Variants in GMDS observed in about 807,000 individuals in gnomAD.
GMDS encodes the protein GDP-mannose 4,6 dehydratase.
In GMDS, 20 loss-of-function variants were observed where a neutral mutation model predicts 49.9. The observed-to-expected ratio is 0.40, with a 90% CI of 0.28 to 0.58. The LOEUF is 0.58. GMDS is among the 20% of genes least tolerant of loss of function. The pLI, the probability that GMDS is intolerant of heterozygous loss-of-function variation, is 0.42. For missense variants in GMDS, 362 were observed against 481.4 expected (o/e 0.75, Z 2.32); for synonymous variants, 177 against 178.6 (o/e 0.99, Z 0.07).
At chr6:2,118,740 C>T (rs1774981385) in intron 2 of GMDS, among the ~76,000 whole-genome samples, 1 of 152,130 alleles carries the variant, frequency 6.6e-6, no homozygotes, top group South Asian at 2.1e-4. Flanking sequence ...AGTTGGTAAA[C>T]ACGAAAATAT....
At chr6:1,727,581 A>G (rs1766641867) in intron 8 of GMDS, among the ~76,000 whole-genome samples, 2 of 152,186 alleles carry the variant, frequency 1.3e-5, no homozygotes, top group African/African-American at 4.8e-5. Context: ...TGGGGAAGAC[A>G]AAATTAGTTA....
chr6:1,798,904 T>C (rs539588944), intron 7 of GMDS, among the ~76,000 whole-genome samples: 85 of 152,340 alleles, frequency 5.6e-4, no homozygotes, highest in Non-Finnish European at 2.1e-4. Flanking sequence ...CAAAACATAC[T>C]TCTTCCTTAT....
At chr6:1,935,529 A>G (rs1277593970) in intron 6 of GMDS, among the ~76,000 whole-genome samples, 1 of 152,206 alleles carries the variant, frequency 6.6e-6, no homozygotes, top group Non-Finnish European at 1.5e-5. Context: ...TCTTTTATTA[A>G]TAGATGACTA....
intron 1 of GMDS, among the ~76,000 whole-genome samples, chr6:2,173,624 T>C (rs958852394): frequency 6.6e-6 from 1 of 152,216 alleles, no homozygotes; most frequent in Non-Finnish European, 1.5e-5. Context: ...GGAAGTTCTA[T>C]TCTACATCAA....
chr6:1,820,919 T>C (rs900523386), intron 7 of GMDS, among the ~76,000 whole-genome samples: 1 of 152,238 alleles, frequency 6.6e-6, no homozygotes, highest in Non-Finnish European at 1.5e-5. Flanking sequence ...CGCATGGGCA[T>C]GGGGCTCTAG....
At chr6:1,976,778 G>A (rs1280729169) in intron 4 of GMDS, among the ~76,000 whole-genome samples, 1 of 152,084 alleles carries the variant, frequency 6.6e-6, no homozygotes, top group Admixed American at 6.5e-5. Context: ...TCACCACATA[G>A]TTTCCAAAAT....
rs181141516 is a variant in GMDS, at chr6:1,707,285, A to G, written c.987+19131T>C. ...AGCAAAACCAAGTCATAAGGTTTTG[A>G]GGTCAAAATGTGAGCTGAAAATATT... On this transcript the variant is annotated intron_variant, in intron 9 of 10. Coordinates refer to ENST00000380815, the MANE Select transcript of GMDS (RefSeq NM_001500.4). Among the ~76,000 whole-genome samples, 72 of 152,344 alleles carry G rather than the reference A, an allele frequency of 4.7e-4. No individual in the cohort carries two copies. In the East Asian group the frequency reaches 0.014, roughly 29 times the overall value.
intron 4 of GMDS, among the ~76,000 whole-genome samples, chr6:2,011,117 A>T (rs1767532210): frequency 6.6e-6 from 1 of 152,236 alleles, no homozygotes; most frequent in Admixed American, 6.5e-5. Context: ...CCAAAACATT[A>T]AAAGGGCTTA....
intron 7 of GMDS, among the ~76,000 whole-genome samples, chr6:1,907,652 T>C (rs1399763831): frequency 6.6e-6 from 1 of 152,186 alleles, no homozygotes; most frequent in Non-Finnish European, 1.5e-5. Flanking sequence ...ACACATTTAA[T>C]GTTACGAAGT....
At chr6:2,040,839 C>T (rs1166199490) in intron 4 of GMDS, among the ~76,000 whole-genome samples, 1 of 152,202 alleles carries the variant, frequency 6.6e-6, no homozygotes, top group East Asian at 1.9e-4. Context: ...AGATCAAACC[C>T]TGTTATCCTC....
intron 1 of GMDS, among the ~76,000 whole-genome samples, chr6:2,140,789 T>C (rs1012532450): frequency 6.6e-6 from 1 of 152,200 alleles, no homozygotes; most frequent in Non-Finnish European, 1.5e-5. Flanking sequence ...TTGCAAGAAG[T>C]CAACCATTTG....
chr6:2,067,053 T>C (rs1166193910), intron 4 of GMDS, among the ~76,000 whole-genome samples: 1 of 151,478 alleles, frequency 6.6e-6, no homozygotes, highest in Non-Finnish European at 1.5e-5. Flanking sequence ...ACAGAAATTA[T>C]AACAAACTAT....
At chr6:1,865,236 T>C (rs1032686891) in intron 7 of GMDS, among the ~76,000 whole-genome samples, 18 of 152,224 alleles carry the variant, frequency 1.2e-4, no homozygotes, top group African/African-American at 4.3e-4. Context: ...TTATAGAACC[T>C]TGTATTTCCT....
At chr6:1,850,958 T>C (rs567012670) in intron 7 of GMDS, among the ~76,000 whole-genome samples, 2 of 152,358 alleles carry the variant, frequency 1.3e-5, no homozygotes, top group South Asian at 2.1e-4. Context: ...ACCACCACCA[T>C]GCAAACCGCA....
chr6:2,118,113 C>G (rs1774949099), intron 2 of GMDS, among the ~76,000 whole-genome samples: 1 of 151,830 alleles, frequency 6.6e-6, no homozygotes, highest in African/African-American at 2.4e-5. Flanking sequence ...CACTTATGTA[C>G]TACTCGATTT....
chr6:1,908,305 G>A (rs1440697444), intron 7 of GMDS, among the ~76,000 whole-genome samples: 8 of 152,160 alleles, frequency 5.3e-5, no homozygotes, highest in Non-Finnish European at 7.3e-5. Context: ...TTCAGATCAC[G>A]GTTGACTGCG....
intron 7 of GMDS, among the ~76,000 whole-genome samples, chr6:1,769,836 C>T (rs1332586831): frequency 6.6e-6 from 1 of 152,136 alleles, no homozygotes; most frequent in Non-Finnish European, 1.5e-5. Flanking sequence ...AAGTGATTCT[C>T]GTGCCTCAGC....
chr6:2,211,352 A>T (rs1346159256), intron 1 of GMDS, among the ~76,000 whole-genome samples: 3 of 152,162 alleles, frequency 2.0e-5, no homozygotes, highest in African/African-American at 7.2e-5. Flanking sequence ...GTGTTCAGCA[A>T]ATACCTGCTG....
chr6:2,166,406 A>G (rs756824743), intron 1 of GMDS, among the ~76,000 whole-genome samples: 2 of 152,206 alleles, frequency 1.3e-5, no homozygotes, highest in Non-Finnish European at 2.9e-5. Context: ...CTAAGAAAAT[A>G]TTACAATTAT....
Sources: allele counts gnomAD v4.1 joint callset (sites outside exome capture counted in the v4.1 genomes callset), GRCh38; gene constraint gnomAD v4.1.1; transcripts MANE v1.5; gene names NCBI Gene and HGNC (gene_info 2026-07-23, HGNC 2026-07-21).